SASH1: variants seen among roughly 807,000 people sequenced by gnomAD.
SASH1 encodes the protein SAM and SH3 domain-containing protein 1.
A neutral mutation model predicts 125.2 loss-of-function variants in SASH1; 44 were observed. The observed-to-expected ratio is 0.35, with a 90% CI of 0.28 to 0.45. The LOEUF (loss-of-function observed/expected upper bound fraction) is 0.45, where lower values mean the gene tolerates loss of function less well. Ranked by LOEUF, SASH1 falls within the 20% of genes least tolerant of loss-of-function variation. The pLI is 1.00. For missense variants in SASH1, 1,426 were observed against 1,614.5 expected (o/e 0.88, Z 2.00); for synonymous variants, 639 against 649.1 (o/e 0.98, Z 0.24).
chr6:148,242,753 G>C, the SASH1 span, among the ~76,000 whole-genome samples: 1 of 152,022 alleles, frequency 6.6e-6, no homozygotes, highest in Non-Finnish European at 1.5e-5. Context: ...GGGGCCTCAG[G>C]GTCCCTTATG....
chr6:148,277,050 GACACA>G (rs1424024023), intron 1 of SASH1, among the ~76,000 whole-genome samples: 18 of 152,202 alleles, frequency 1.2e-4, no homozygotes, highest in Admixed American at 7.2e-4. Context: ...CGGTGTGGTA[GACACA>G]TAAAAATCCC....
intron 7 of SASH1, among the ~76,000 whole-genome samples, chr6:148,482,688 ATTTTT>A (rs200708826): frequency 2.0e-5 from 2 of 99,920 alleles, no homozygotes; most frequent in East Asian, 2.3e-4. Context: ...CACCTGGCTA[ATTTTT>A]TTTTTTTTTT....
chr6:148,215,536 G>A, the SASH1 span, among the ~76,000 whole-genome samples: 1 of 152,150 alleles, frequency 6.6e-6, no homozygotes, highest in Non-Finnish European at 1.5e-5. Context: ...GTGGAAAAAG[G>A]TTATCCTCAT....
intron 1 of SASH1, among the ~76,000 whole-genome samples, chr6:148,328,788 T>TCTTTA (rs1780910962): frequency 6.6e-6 from 1 of 152,224 alleles, no homozygotes; most frequent in Admixed American, 6.5e-5. Flanking sequence ...CCCCTTGCTG[T>TCTTTA]CATTTATCTT....
chr6:148,449,205 G>T (rs1406172749), intron 4 of SASH1, among the ~76,000 whole-genome samples: 1 of 150,362 alleles, frequency 6.7e-6, no homozygotes, highest in African/African-American at 2.4e-5. Context: ...GAGTAGCTGG[G>T]ACTACAGGCA....
At chr6:148,459,567 A>G (rs1012651621) in intron 4 of SASH1, among the ~76,000 whole-genome samples, 1 of 152,200 alleles carries the variant, frequency 6.6e-6, no homozygotes, top group African/African-American at 2.4e-5. Flanking sequence ...CAGGAGTGGG[A>G]TCTGTCCTTG....
At position 148,317,970 on chromosome 6, in the gene SASH1, G is replaced by A. The variant is rs1007419040; in HGVS notation, n.74+45593G>A. Among the ~76,000 whole-genome samples, 11 of 152,282 alleles carry A rather than the reference G, an allele frequency of 7.2e-5. No homozygotes were observed. The South Asian group carries it at 2.1e-3, about 29-fold the overall frequency. ...AAAGAACCCTTGTCTCTCAGCTTCAGGAACTCAGTCATTTTAATACTAGCA... is the reference window on the plus strand; with the variant it reads ...AAAGAACCCTTGTCTCTCAGCTTCAAGAACTCAGTCATTTTAATACTAGCA... On this transcript the variant is annotated intron_variant and non_coding_transcript_variant, in intron 1 of 3. Coordinates refer to the SASH1 transcript ENST00000367469.
At chr6:148,271,359 T>C (rs1779058261), upstream of SASH1, among the ~76,000 whole-genome samples, 1 of 152,210 alleles carries the variant, frequency 6.6e-6, no homozygotes, top group Non-Finnish European at 1.5e-5. Flanking sequence ...CATGTAGCTC[T>C]GTTATGTCAC....
the SASH1 span, among the ~76,000 whole-genome samples, chr6:148,225,592 G>A: frequency 3.9e-5 from 6 of 152,144 alleles, no homozygotes; most frequent in Admixed American, 1.3e-4. Context: ...GGAGGGGAGT[G>A]AGGGATAAAA....
intron 5 of SASH1, 67 bp from the exon 6 acceptor site, chr6:148,471,350 T>C (rs1472913699): frequency 2.0e-6 from 2 of 995,202 alleles, no homozygotes; most frequent in Admixed American, 5.7e-5. Context: ...GCTACTTTTG[T>C]TATTAATGAT....
At chr6:148,337,095 TGTTGCCAG>T (rs1781181425) in intron 1 of SASH1, among the ~76,000 whole-genome samples, 1 of 152,214 alleles carries the variant, frequency 6.6e-6, no homozygotes, top group South Asian at 2.1e-4. Flanking sequence ...AGTCTCGCTC[TGTTGCCAG>T]GCTGCAGTGC....
At chr6:148,396,014 A>G (rs1189040108) in intron 2 of SASH1, among the ~76,000 whole-genome samples, 1 of 152,170 alleles carries the variant, frequency 6.6e-6, no homozygotes, top group Non-Finnish European at 1.5e-5. Context: ...CACTCTGTTG[A>G]TGATGACATA....
the SASH1 span, among the ~76,000 whole-genome samples, chr6:148,233,214 TAAA>T: frequency 2.4e-5 from 3 of 126,424 alleles, no homozygotes; most frequent in Non-Finnish European, 1.7e-5. Context: ...AACTCCATCT[TAAA>T]AAAAAAAAAA....
chr6:148,535,764 A>T (rs1265472762), intron 16 of SASH1, among the ~76,000 whole-genome samples: 2 of 152,196 alleles, frequency 1.3e-5, no homozygotes, highest in African/African-American at 4.8e-5. Flanking sequence ...ATCTTAAAGG[A>T]GTATCCTTTC....
chr6:148,461,831 T>C (rs1039615684), intron 4 of SASH1, among the ~76,000 whole-genome samples: 6 of 152,206 alleles, frequency 3.9e-5, no homozygotes, highest in Admixed American at 3.9e-4. Flanking sequence ...GAAAGAAATA[T>C]TAAATTGAGG....
chr6:148,245,758 C>T, the SASH1 span, among the ~76,000 whole-genome samples: 3 of 152,014 alleles, frequency 2.0e-5, no homozygotes, highest in African/African-American at 7.2e-5. Flanking sequence ...GAGGCCAAGG[C>T]GGGTGGATCA....
upstream of SASH1, among the ~76,000 whole-genome samples, chr6:148,338,083 T>C (rs1781215549): frequency 8.4e-6 from 1 of 119,090 alleles, no homozygotes; most frequent in Non-Finnish European, 2.0e-5. Context: ...TTGAAGAACT[T>C]TGTGGGAATC....
At chr6:148,199,110 G>C in the SASH1 span, among the ~76,000 whole-genome samples, 1 of 152,136 alleles carries the variant, frequency 6.6e-6, no homozygotes, top group East Asian at 1.9e-4. Flanking sequence ...GGCCAGTCGT[G>C]GTGGCTCACA....
At position 148,548,292 on chromosome 6, in the gene SASH1, C is replaced by G. The variant is rs750130321; in HGVS notation, c.3481-3C>G. On this transcript the variant is annotated splice_region_variant and splice_polypyrimidine_tract_variant and intron_variant, in intron 19 of 19. Transcript: ENST00000367467. ...CTATCATATTCTTTCTTAATTTATC[C>G]AGATTCCAAGTGGTGGACTCACGGA... 1 of 1,604,618 alleles carries G rather than the reference C, an allele frequency of 6.2e-7. No individual in the cohort carries two copies. Among genetic ancestry groups the G allele is most frequent in the Non-Finnish European group, 8.5e-7 (1 of 1,175,334 alleles).
Sources: gnomAD v4.1 joint callset for allele counts (sites outside exome capture counted in the v4.1 genomes callset) on GRCh38, gnomAD v4.1.1 for gene constraint, MANE v1.5 for transcripts, NCBI Gene and HGNC (gene_info 2026-07-23, HGNC 2026-07-21) for gene names.